GLRA3: variants seen among roughly 807,000 people sequenced by gnomAD.
GLRA3 encodes glycine receptor subunit alpha-3.
In GLRA3, 44 loss-of-function variants were observed where a neutral mutation model predicts 60.4. That is an observed-to-expected ratio of 0.73 (90% CI 0.57 to 0.94). The LOEUF (loss-of-function observed/expected upper bound fraction) is 0.94. Among genes scored for constraint, GLRA3 ranks in the 40% least tolerant of loss-of-function variants. The pLI is 0.00. For missense variants in GLRA3, 508 were observed against 564.6 expected (o/e 0.90, Z 1.02); for synonymous variants, 223 against 192.9 (o/e 1.16, Z -1.29).
intron 3 of GLRA3, among the ~76,000 whole-genome samples, chr4:174,739,974 A>C (rs1284446109): frequency 6.6e-6 from 1 of 152,062 alleles, no homozygotes; most frequent in Admixed American, 6.5e-5. Flanking sequence ...CCTTATCCCT[A>C]TTGCAGTTTT....
At chr4:174,687,341 T>G (rs1734586012) in intron 5 of GLRA3, among the ~76,000 whole-genome samples, 1 of 152,226 alleles carries the variant, frequency 6.6e-6, no homozygotes, top group African/African-American at 2.4e-5. Flanking sequence ...TTGGACCCTA[T>G]GTAAGTACCT....
chr4:174,642,187 G>T lies in GLRA3; in HGVS notation c.*1599C>A, dbSNP rs554190126. The stretch of plus-strand genomic sequence containing the variant: ...AATGTTATTTTAAAAAATTACAATT[G>T]TATAAGCTGATGTACAATAACATTG... On this transcript the variant is annotated 3_prime_UTR_variant, in exon 10 of 10. Transcript: ENST00000274093. The T allele has an allele frequency of 2.1e-4, 183 of 852,406 alleles. No individual in the cohort carries two copies. The highest frequency in any genetic ancestry group is 2.5e-4 in the Admixed American group (4 of 16,072). The allele number at this position is 852,406 out of a possible 1,614,324, so 52.8% of individuals were successfully genotyped here.
chr4:174,780,958 G>T (rs1738842861), intron 2 of GLRA3, among the ~76,000 whole-genome samples: 1 of 152,246 alleles, frequency 6.6e-6, no homozygotes, highest in East Asian at 1.9e-4. Flanking sequence ...TCTGCACCAA[G>T]TGGACCTAAT....
chr4:174,705,974 A>G (rs1735498614), intron 5 of GLRA3, among the ~76,000 whole-genome samples: 1 of 152,028 alleles, frequency 6.6e-6, no homozygotes, highest in Admixed American at 6.6e-5. Flanking sequence ...ACTTAAGAAA[A>G]GATTATCACA....
chr4:174,702,994 G>T (rs193038787), intron 5 of GLRA3, among the ~76,000 whole-genome samples: 2 of 151,982 alleles, frequency 1.3e-5, no homozygotes, highest in Non-Finnish European at 2.9e-5. Flanking sequence ...CCTTACTCAC[G>T]CCCAGTGCTA....
intron 5 of GLRA3, among the ~76,000 whole-genome samples, chr4:174,684,065 A>G (rs1734459840): frequency 6.6e-6 from 1 of 152,178 alleles, no homozygotes; most frequent in Admixed American, 6.5e-5. Flanking sequence ...TCCTTAAGCC[A>G]TAATGTTGAA....
At chr4:174,682,626 A>G (rs1734395196) in intron 6 of GLRA3, among the ~76,000 whole-genome samples, 176 bp downstream of exon 6, 1 of 152,232 alleles carries the variant, frequency 6.6e-6, no homozygotes, top group African/African-American at 2.4e-5. Context: ...CAGACCAATT[A>G]TTTAACAATA....
chr4:174,674,506 A>G lies in GLRA3; in HGVS notation c.927+2572T>C, dbSNP rs146829820. On this transcript the variant is annotated intron_variant, in intron 7 of 9. Transcript: ENST00000274093. ...ATGCAATAGAAAATATCAGAGAGGA[A>G]TATCAGCTCTGTAGTTCTCTAGAAG... Among the ~76,000 whole-genome samples, 134 of 152,278 alleles carry G rather than the reference A, an allele frequency of 8.8e-4. No individual in the cohort carries two copies. The East Asian group carries it at 0.026, about 29-fold the overall frequency.
chr4:174,729,918 A>T (rs1579517324), intron 3 of GLRA3, among the ~76,000 whole-genome samples: 2 of 152,234 alleles, frequency 1.3e-5, no homozygotes, highest in South Asian at 4.1e-4. Flanking sequence ...ATATCAGAAC[A>T]GGTAGATTGC....
chr4:174,751,186 GC>G (rs1454722273), intron 3 of GLRA3, among the ~76,000 whole-genome samples: 1 of 151,754 alleles, frequency 6.6e-6, no homozygotes, highest in Admixed American at 6.6e-5. Flanking sequence ...CTTTATAGAA[GC>G]TTTTTCTGGT....
At chr4:174,798,127 C>T (rs1395710632) in intron 1 of GLRA3, among the ~76,000 whole-genome samples, 2 of 152,132 alleles carry the variant, frequency 1.3e-5, no homozygotes, top group East Asian at 3.8e-4. Flanking sequence ...GACCTTGAGA[C>T]ATGGGGCCAC....
At chr4:174,660,053 T>C (rs964815651) in intron 7 of GLRA3, among the ~76,000 whole-genome samples, 2 of 151,910 alleles carry the variant, frequency 1.3e-5, no homozygotes, top group Non-Finnish European at 2.9e-5. Flanking sequence ...TGTGTGTATG[T>C]GTGTGTATAT....
intron 5 of GLRA3, among the ~76,000 whole-genome samples, chr4:174,692,366 G>T (rs1220297247): frequency 5.9e-4 from 88 of 149,206 alleles, no homozygotes; most frequent in Non-Finnish European, 1.2e-3. Context: ...GAGATGAGGG[G>T]CGCCTCTGCC....
chr4:174,645,217 T>C (rs1342561462), intron 9 of GLRA3, among the ~76,000 whole-genome samples: 1 of 151,926 alleles, frequency 6.6e-6, no homozygotes, highest in African/African-American at 2.4e-5. Flanking sequence ...ATCGAGACCA[T>C]CTTGGACAGT....
intron 4 of GLRA3, among the ~76,000 whole-genome samples, chr4:174,724,327 A>G (rs1338716316): frequency 1.3e-5 from 2 of 152,044 alleles, no homozygotes; most frequent in African/African-American, 2.4e-5. Flanking sequence ...AGAAATAGAA[A>G]TGCTGAATTG....
chr4:174,660,753 G>A (rs1030329531), intron 7 of GLRA3, among the ~76,000 whole-genome samples: 9 of 152,066 alleles, frequency 5.9e-5, no homozygotes, highest in Non-Finnish European at 1.3e-4. Flanking sequence ...GCATTCTACT[G>A]TAAGAAAAAT....
rs1468609960 is a variant in GLRA3, at chr4:174,819,192, A to T, written c.71+9549T>A. Among the ~76,000 whole-genome samples the T allele has an allele frequency of 3.9e-5, 6 of 152,362 alleles. No homozygotes were observed. In the East Asian group the frequency reaches 1.2e-3, roughly 29 times the overall value. Reference sequence around the variant, plus strand: ...GTTGACACCAACTGGACAAGTGAATATAGAGTAGCTTATTAGAATATGTTC... The same window carrying T: ...GTTGACACCAACTGGACAAGTGAATTTAGAGTAGCTTATTAGAATATGTTC... On this transcript the variant is annotated intron_variant, in intron 1 of 9. Transcript: ENST00000274093.
At chr4:174,801,463 C>T (rs1359746106) in intron 1 of GLRA3, among the ~76,000 whole-genome samples, 1 of 152,082 alleles carries the variant, frequency 6.6e-6, no homozygotes, top group Non-Finnish European at 1.5e-5. Flanking sequence ...ACATCTAAAT[C>T]AAACTCTTGT....
At chr4:174,656,682 T>G in intron 9 of GLRA3, 61 bp downstream of exon 9, 1 of 893,130 alleles carries the variant, frequency 1.1e-6, no homozygotes, top group East Asian at 2.4e-5. Flanking sequence ...GTGCAGAATA[T>G]GCTGTCTGCT....
Sources: allele counts gnomAD v4.1 joint callset (sites outside exome capture counted in the v4.1 genomes callset), GRCh38; gene constraint gnomAD v4.1.1; transcripts MANE v1.5; gene names NCBI Gene and HGNC (gene_info 2026-07-23, HGNC 2026-07-21).